ARHGAP35: variants seen among roughly 807,000 people sequenced by gnomAD.
ARHGAP35 encodes Rho GTPase activating protein 35.
In ARHGAP35, 15 loss-of-function variants were observed where a neutral mutation model predicts 111.1. The observed-to-expected ratio is 0.13, with a 90% CI of 0.09 to 0.21. The LOEUF is 0.21. Among genes scored for constraint, ARHGAP35 ranks in the 10% least tolerant of loss-of-function variants. The pLI is 1.00. For missense variants in ARHGAP35, 1,262 were observed against 1,873.0 expected (o/e 0.67, Z 6.02); for synonymous variants, 643 against 710.3 (o/e 0.91, Z 1.51).
intron 2 of ARHGAP35, among the ~76,000 whole-genome samples, chr19:46,924,074 C>T (rs118177838): frequency 0.01 from 1,532 of 152,024 alleles, 12 homozygotes; most frequent in Middle Eastern, 0.02. Context: ...GATTTTTTCA[C>T]GTTAAAGCTT....
At chr19:46,943,014 C>T (rs1568474680) in intron 3 of ARHGAP35, among the ~76,000 whole-genome samples, 1 of 151,474 alleles carries the variant, frequency 6.6e-6, no homozygotes, top group Non-Finnish European at 1.5e-5. Flanking sequence ...CAGAACAGTC[C>T]TCTCTGGCTT....
chr19:46,868,283 ATTTG>A (rs1048241644), intron 1 of ARHGAP35, among the ~76,000 whole-genome samples: 3 of 152,184 alleles, frequency 2.0e-5, no homozygotes, highest in African/African-American at 4.8e-5. Flanking sequence ...TGATTTCAAA[ATTTG>A]TTTATTTTAT....
intron 1 of ARHGAP35, among the ~76,000 whole-genome samples, chr19:46,882,939 G>A (rs1431403104): frequency 2.0e-5 from 3 of 152,132 alleles, no homozygotes; most frequent in African/African-American, 7.2e-5. Context: ...CAATGTGGCT[G>A]TTTGGCACAA....
intron 2 of ARHGAP35, among the ~76,000 whole-genome samples, chr19:46,925,536 C>A (rs1215524876): frequency 1.3e-5 from 2 of 152,166 alleles, no homozygotes; most frequent in South Asian, 4.1e-4. Context: ...GCGTGCCAGG[C>A]ACCATAGGGA....
In ARHGAP35 at chr19:46,877,630, T is replaced by C. The variant is rs1233016055; in HGVS notation, c.-189+16421T>C. On this transcript the variant is annotated intron_variant, in intron 1 of 6. Coordinates refer to ENST00000672722, the MANE Select transcript of ARHGAP35 (RefSeq NM_004491.5). Reference sequence around the variant, plus strand: ...TCTTTATGCCGTACTGTAGTCTAAGTGTGCAGTATCATTATGTCTTTAAAA... The same window carrying C: ...TCTTTATGCCGTACTGTAGTCTAAGCGTGCAGTATCATTATGTCTTTAAAA... 5.9e-5 allele frequency among the ~76,000 whole-genome samples: 9 copies of C among 152,286 alleles called. No individual in the cohort carries two copies. In the East Asian group the frequency reaches 1.3e-3, roughly 23 times the overall value.
intron 3 of ARHGAP35, among the ~76,000 whole-genome samples, chr19:46,967,099 TG>T (rs962434857): frequency 8.6e-5 from 13 of 151,816 alleles, no homozygotes; most frequent in Non-Finnish European, 1.9e-4. Context: ...GGACTTGGCC[TG>T]GGCTTTTCAG....
chr19:46,917,061 T>G (rs1373870827), intron 1 of ARHGAP35, among the ~76,000 whole-genome samples: 2 of 152,234 alleles, frequency 1.3e-5, no homozygotes, highest in South Asian at 2.1e-4. Flanking sequence ...TTAAATACTT[T>G]CATGTTATGC....
chr19:46,875,772 C>T (rs1167984655), intron 1 of ARHGAP35, among the ~76,000 whole-genome samples: 2 of 152,122 alleles, frequency 1.3e-5, no homozygotes, highest in Admixed American at 6.5e-5. Flanking sequence ...TGTGAGGGTG[C>T]TGCAAAGGCG....
intron 3 of ARHGAP35, among the ~76,000 whole-genome samples, chr19:46,969,092 A>T (rs978285385): frequency 6.6e-6 from 1 of 152,170 alleles, no homozygotes; most frequent in Non-Finnish European, 1.5e-5. Flanking sequence ...CTCAAAAAAA[A>T]AATAGAAAGA....
chr19:46,881,629 A>G (rs2055962909), intron 1 of ARHGAP35, among the ~76,000 whole-genome samples: 1 of 152,338 alleles, frequency 6.6e-6, no homozygotes. Context: ...CCATTTATAG[A>G]GCACAGGTAG....
At chr19:46,872,046 A>G (rs1438227370) in intron 1 of ARHGAP35, among the ~76,000 whole-genome samples, 1 of 152,156 alleles carries the variant, frequency 6.6e-6, no homozygotes, top group Non-Finnish European at 1.5e-5. Context: ...ATTGTATACA[A>G]AAGAGATGTT....
At chr19:46,881,464 TCTC>T (rs2055962148) in intron 1 of ARHGAP35, among the ~76,000 whole-genome samples, 1 of 152,182 alleles carries the variant, frequency 6.6e-6, no homozygotes, top group African/African-American at 2.4e-5. Context: ...ATCTTGTACA[TCTC>T]CATCAGAGCT....
intron 2 of ARHGAP35, among the ~76,000 whole-genome samples, chr19:46,928,982 T>C (rs1299502299): frequency 9.0e-6 from 1 of 111,628 alleles, no homozygotes; most frequent in Admixed American, 1.0e-4. Flanking sequence ...TAGGATGACA[T>C]GTCTCCGTTT....
At position 46,999,528 on chromosome 19, in the gene ARHGAP35, G is replaced by C. The variant is rs945683783; in HGVS notation, c.4142+119G>C. 2.8e-6 allele frequency: 2 copies of C among 711,154 alleles called. No individual in the cohort carries two copies. The highest frequency in any genetic ancestry group is 5.4e-5 in the Admixed American group (2 of 37,096). The allele number at this position is 711,154 out of a possible 1,614,324, so 44.1% of individuals were successfully genotyped here. On this transcript the variant is annotated intron_variant, in intron 6 of 6. Coordinates refer to ENST00000672722, the MANE Select transcript of ARHGAP35 (RefSeq NM_004491.5). The surrounding 1 kb of genome is among the most constrained non-coding windows in gnomAD (Gnocchi z 5.4). Reference sequence around the variant, plus strand: ...AGAAGCCTCAGGCCCTGGCCTGGAAGGGGTGCTGGCTGGCCTCCCATGGTG... The same window carrying C: ...AGAAGCCTCAGGCCCTGGCCTGGAACGGGTGCTGGCTGGCCTCCCATGGTG...
intron 1 of ARHGAP35, among the ~76,000 whole-genome samples, chr19:46,882,624 G>A (rs558630356): frequency 3.9e-5 from 6 of 152,234 alleles, no homozygotes; most frequent in East Asian, 1.9e-4. Flanking sequence ...CATGCATTAG[G>A]TATTTGTCCT....
intron 3 of ARHGAP35, among the ~76,000 whole-genome samples, chr19:46,968,576 A>G (rs2056527896): frequency 1.3e-5 from 2 of 152,238 alleles, no homozygotes; most frequent in Middle Eastern, 3.2e-3. Flanking sequence ...TAAGAACCCA[A>G]ATATCCCACT....
At chr19:46,882,851 C>G (rs2055969925) in intron 1 of ARHGAP35, among the ~76,000 whole-genome samples, 1 of 152,156 alleles carries the variant, frequency 6.6e-6, no homozygotes, top group Non-Finnish European at 1.5e-5. Context: ...TTTATGGCTG[C>G]AGGCTGTTTC....
At chr19:46,884,782 C>T (rs1475836868) in intron 1 of ARHGAP35, among the ~76,000 whole-genome samples, 2 of 152,132 alleles carry the variant, frequency 1.3e-5, no homozygotes, top group African/African-American at 4.8e-5. Flanking sequence ...GGCTAGAGTG[C>T]AGTGGCATGA....
intron 1 of ARHGAP35, among the ~76,000 whole-genome samples, chr19:46,917,894 A>G (rs1349678423): frequency 1.3e-5 from 2 of 152,012 alleles, no homozygotes; most frequent in African/African-American, 4.8e-5. Context: ...TTGTATTTTT[A>G]GTACAGACGG....
Sources: gnomAD v4.1 joint callset for allele counts (sites outside exome capture counted in the v4.1 genomes callset) on GRCh38, gnomAD v4.1.1 for gene constraint, Gnocchi (gnomAD v3.1) non-coding constraint, MANE v1.5 for transcripts, NCBI Gene and HGNC (gene_info 2026-07-23, HGNC 2026-07-21) for gene names.